ABCA6: variants seen among roughly 807,000 people sequenced by gnomAD.
The protein encoded by ABCA6 is ATP binding cassette subfamily A member 6, also known as ATP-binding cassette sub-family A member 6.
A neutral mutation model predicts 191.2 loss-of-function variants in ABCA6; 164 were observed. The ratio of observed to expected loss-of-function variants is 0.86; its 90% confidence interval spans 0.76 to 0.98. The LOEUF is 0.98. Ranked by LOEUF, ABCA6 falls within the 50% of genes least tolerant of loss-of-function variation. ABCA6 has a pLI of 0.00. For missense variants in ABCA6, 1,958 were observed against 1,894.1 expected, an observed-to-expected ratio of 1.03 and a Z score of -0.63; for synonymous variants, 636 against 647.7, an observed-to-expected ratio of 0.98 and a Z score of 0.27.
In ABCA6 at chr17:69,129,769, G is replaced by A. The variant is rs752018958; in HGVS notation, c.792-18C>T. 3.9e-6 allele frequency: 6 copies of A among 1,544,992 alleles called. No individual in the cohort carries two copies. Among genetic ancestry groups the A allele is most frequent in the Non-Finnish European group, 5.2e-6 (6 of 1,142,918 alleles). On this transcript the variant is annotated intron_variant, in intron 6 of 38. Coordinates refer to ENST00000284425, the MANE Select transcript of ABCA6 (RefSeq NM_080284.3). Reference sequence around the variant, plus strand: ...AGGAGAGCCTAAATAAAGACAAAAAGTTATATAAATTATGTTAACTTATTT... The same window carrying A: ...AGGAGAGCCTAAATAAAGACAAAAAATTATATAAATTATGTTAACTTATTT...
intron 10 of ABCA6, among the ~76,000 whole-genome samples, chr17:69,122,271 A>C (rs1383806655): frequency 2.0e-5 from 3 of 152,108 alleles, no homozygotes; most frequent in Non-Finnish European, 4.4e-5. Context: ...GTACATAGTC[A>C]GCACTAAGTA....
At chr17:69,136,861 C>T (rs1387430319) in intron 3 of ABCA6, among the ~76,000 whole-genome samples, 1 of 152,010 alleles carries the variant, frequency 6.6e-6, no homozygotes, top group Admixed American at 6.6e-5. Context: ...ACAGAATAAT[C>T]ATCAGATTAT....
intron 16 of ABCA6, 151 bp from the exon 17 acceptor site, chr17:69,111,091 T>C (rs1401092981): frequency 1.5e-6 from 1 of 647,240 alleles, no homozygotes; most frequent in Middle Eastern, 2.9e-4. Context: ...TAGTAATCTA[T>C]CAGTTTGAAA....
chr17:69,106,971 A>T (rs2073320407), intron 18 of ABCA6, among the ~76,000 whole-genome samples: 1 of 152,158 alleles, frequency 6.6e-6, no homozygotes, highest in Admixed American at 6.6e-5. Context: ...GGGATTTTTA[A>T]AAAATCTTCT....
rs771062529 is a variant in ABCA6 at position 69,083,337 on chromosome 17, G to A, written c.4356-6C>T. The A allele has an allele frequency of 1.9e-6, 3 of 1,565,974 alleles. No homozygotes were observed. Among genetic ancestry groups the A allele is most frequent in the South Asian group, 2.4e-5 (2 of 82,550 alleles). On this transcript the variant is annotated splice_region_variant and splice_polypyrimidine_tract_variant and intron_variant, in intron 34 of 38. Coordinates refer to ENST00000284425, the MANE Select transcript of ABCA6 (RefSeq NM_080284.3). Reference sequence around the variant, plus strand: ...CGACTGCCTGGATTGCCTGCCTGCAGTGAGCAAAAAAATTAACAGTATTTA... The same window carrying A: ...CGACTGCCTGGATTGCCTGCCTGCAATGAGCAAAAAAATTAACAGTATTTA...
chr17:69,081,993 G>A (rs2072646861), intron 36 of ABCA6, among the ~76,000 whole-genome samples: 2 of 152,150 alleles, frequency 1.3e-5, no homozygotes, highest in Admixed American at 6.5e-5. Flanking sequence ...TTCCCAAACA[G>A]GGGTTTGGTG....
In ABCA6 at chr17:69,091,139, T is replaced by C; in HGVS notation, c.3528+4A>G. The C allele has an allele frequency of 2.5e-6, 4 of 1,605,436 alleles. No individual in the cohort carries two copies. The highest frequency in any genetic ancestry group is 3.4e-6 in the Non-Finnish European group (4 of 1,177,308). The stretch of plus-strand genomic sequence containing the variant: ...TTAATGACACAGTTGGTAACATTTC[T>C]TACCACTTCCAAAAAAGTTTTAAAT... On this transcript the variant is annotated splice_donor_region_variant and intron_variant, in intron 26 of 38. Transcript: ENST00000284425.
intron 8 of ABCA6, among the ~76,000 whole-genome samples, chr17:69,126,720 T>C (rs1218188734): frequency 6.6e-6 from 1 of 152,052 alleles, no homozygotes; most frequent in Non-Finnish European, 1.5e-5. Flanking sequence ...ATATATTATG[T>C]TCATGGCTGA....
chr17:69,140,159 G>A (rs1391418620), intron 2 of ABCA6, among the ~76,000 whole-genome samples: 1 of 151,542 alleles, frequency 6.6e-6, no homozygotes, highest in Admixed American at 6.6e-5. Context: ...CTGAGATTTG[G>A]GCTAGTCATC....
At position 69,082,992 on chromosome 17, in the gene ABCA6, G is replaced by A. The variant is rs2072679208; in HGVS notation, c.4497C>T (p.His1499=). ...AATCCTTGCCAAGTTTGTTTTTCAGGTGTTGGATGGAGCCAATGCATCTAT... is the reference window on the plus strand; with the variant it reads ...AATCCTTGCCAAGTTTGTTTTTCAGATGTTGGATGGAGCCAATGCATCTAT... The part of the protein sequence containing the change: ...GRLRCIGSIQ[H]LKNKLGKDYI... Residue 1499 remains histidine, a synonymous_variant, in exon 36 of 39, where the codon CAC becomes CAT. Coordinates refer to ENST00000284425, the MANE Select transcript of ABCA6 (RefSeq NM_080284.3). The A allele has an allele frequency of 6.2e-7, 1 of 1,614,146 alleles. No homozygotes were observed. Among genetic ancestry groups the A allele is most frequent in the Non-Finnish European group, 8.5e-7 (1 of 1,180,014 alleles).
At chr17:69,098,981 G>T (rs983709961) in intron 22 of ABCA6, among the ~76,000 whole-genome samples, 1 of 152,162 alleles carries the variant, frequency 6.6e-6, no homozygotes, top group Non-Finnish European at 1.5e-5. Flanking sequence ...CAATAATTCA[G>T]AAGTTAGGAC....
intron 5 of ABCA6, 25 bp from the exon 6 acceptor site, chr17:69,133,892 A>G: frequency 7.0e-7 from 1 of 1,431,722 alleles, no homozygotes; most frequent in Non-Finnish European, 9.5e-7. Context: ...AAACAAACAT[A>G]ATTATTATTT....
chr17:69,102,698 TCA>T, intron 21 of ABCA6, 135 bp downstream of exon 21: 2 of 762,072 alleles, frequency 2.6e-6, no homozygotes, highest in African/African-American at 1.8e-5. Flanking sequence ...TAGGTAAACT[TCA>T]CAGTTTATTA....
chr17:69,113,611 CACTT>C lies in ABCA6; in HGVS notation c.1902+3_1902+6del, dbSNP rs1568020683. 1 of 1,612,840 alleles carries C rather than the reference CACTT, an allele frequency of 6.2e-7. No individual in the cohort carries two copies. The highest frequency in any genetic ancestry group is 8.5e-7 in the Non-Finnish European group (1 of 1,179,284). The stretch of plus-strand genomic sequence containing the variant: ...CTGCTTCCTTCCCCATGCATAATCT[CACTT>C]ACTTGAGGATCTCCTAAAATGGTAA... On this transcript the variant is annotated splice_donor_5th_base_variant and intron_variant, in intron 14 of 38. Coordinates refer to ENST00000284425, the MANE Select transcript of ABCA6 (RefSeq NM_080284.3).
intron 8 of ABCA6, among the ~76,000 whole-genome samples, chr17:69,127,573 T>A (rs1301549067): frequency 6.6e-6 from 1 of 152,122 alleles, no homozygotes; most frequent in African/African-American, 2.4e-5. Context: ...CAATGATATA[T>A]CATTGCATAA....
At chr17:69,082,780 A>T in intron 36 of ABCA6, 93 bp downstream of exon 36, 1 of 1,539,286 alleles carries the variant, frequency 6.5e-7, no homozygotes, top group East Asian at 2.3e-5. Context: ...TTTATTATGA[A>T]GCCAAATCAC....
chr17:69,114,879 T>C lies in ABCA6; in HGVS notation c.1665A>G (p.Arg555=). Residue 555 remains arginine, a synonymous_variant, in exon 13 of 39, where the codon AGA becomes AGG. Coordinates refer to ENST00000284425, the MANE Select transcript of ABCA6 (RefSeq NM_080284.3). Reference sequence around the variant, plus strand: ...ATTGAGGACAGACGCCAGTTATCTTTCTGATTTCCTCCAAGTCTTGCATTT... The same window carrying C: ...ATTGAGGACAGACGCCAGTTATCTTCCTGATTTCCTCCAAGTCTTGCATTT... The part of the protein sequence containing the change: ...LSEMQDLEEI[R]KITGVCPQFN... 2.5e-6 allele frequency: 4 copies of C among 1,612,618 alleles called. No homozygotes were observed. Among genetic ancestry groups the C allele is most frequent in the Non-Finnish European group, 3.4e-6 (4 of 1,179,086 alleles).
At chr17:69,103,902 AAAG>A (rs1157784453) in intron 20 of ABCA6, 1 of 22,058 alleles carries the variant, frequency 4.5e-5, no homozygotes, top group Non-Finnish European at 1.2e-4. Flanking sequence ...AATAAGAGGA[AAAG>A]AAGGACTTTT....
Position 69,134,722 on chromosome 17 carries a change from C to T in ABCA6, c.481G>A (p.Gly161Ser). ...TTGGTCAATGTACATGAAAACTCAC[C>T]ATATCCATCCCAGCAATGAGCTGTA... ...DFSAHCWDGYGEFSCTLTKYW... is the reference protein window; with the variant it reads ...DFSAHCWDGYSEFSCTLTKYW... Residue 161 changes from glycine (G) to serine (S), a missense_variant, in exon 5 of 39, where the codon GGT becomes AGT. By Grantham distance (56) the Gly-to-Ser change is moderately conservative. Transcript: ENST00000284425. 6.2e-7 allele frequency: 1 copy of T among 1,613,442 alleles called. No individual in the cohort carries two copies. Among genetic ancestry groups the T allele is most frequent in the Non-Finnish European group, 8.5e-7 (1 of 1,179,728 alleles).
Sources: allele counts gnomAD v4.1 joint callset (sites outside exome capture counted in the v4.1 genomes callset), GRCh38; gene constraint gnomAD v4.1.1; transcripts MANE v1.5; gene names NCBI Gene and HGNC (gene_info 2026-07-23, HGNC 2026-07-21).